The following ABTB3 variants were observed in gnomAD, a reference collection of about 807,000 sequenced individuals.
ABTB3 encodes the protein ankyrin repeat- and BTB/POZ domain-containing protein 3.
chr12:107,519,406 T>C, the ABTB3 span, among the ~76,000 whole-genome samples: 1 of 150,632 alleles, frequency 6.6e-6, no homozygotes, highest in Non-Finnish European at 1.5e-5. Flanking sequence ...CATCACAGCC[T>C]CTGCCTCTCA....
chr12:107,427,050 C>T, the ABTB3 span, among the ~76,000 whole-genome samples: 1 of 152,324 alleles, frequency 6.6e-6, no homozygotes, highest in African/African-American at 2.4e-5. Context: ...CAAAGCAACA[C>T]AGATGTCTTC....
the ABTB3 span, among the ~76,000 whole-genome samples, chr12:107,521,258 A>G: frequency 7.6e-6 from 1 of 132,138 alleles, no homozygotes; most frequent in Non-Finnish European, 1.6e-5. Flanking sequence ...ATGTCTTCAT[A>G]TAAGTTGTGT....
chr12:107,414,713 T>G, the ABTB3 span, among the ~76,000 whole-genome samples: 1 of 150,542 alleles, frequency 6.6e-6, no homozygotes, highest in African/African-American at 2.5e-5. Flanking sequence ...TTTCTTTTCT[T>G]TTCTTTTTCT....
chr12:107,319,882 C>T, the ABTB3 span: 3 of 1,307,694 alleles, frequency 2.3e-6, no homozygotes, highest in South Asian at 2.0e-5. Flanking sequence ...GCAGCTGTTG[C>T]GCCCCGCCGG....
At chr12:107,554,825 C>T in the ABTB3 span, among the ~76,000 whole-genome samples, 1 of 152,208 alleles carries the variant, frequency 6.6e-6, no homozygotes, top group African/African-American at 2.4e-5. Flanking sequence ...TGTCTTATCT[C>T]TGTTCCTTAA....
the ABTB3 span, among the ~76,000 whole-genome samples, chr12:107,360,387 G>A: frequency 1.6e-4 from 25 of 152,168 alleles, no homozygotes; most frequent in African/African-American, 6.0e-4. Flanking sequence ...CCAGCCAGTG[G>A]GGTAAGATGT....
chr12:107,541,120 C>G, the ABTB3 span, among the ~76,000 whole-genome samples: 36 of 152,334 alleles, frequency 2.4e-4, no homozygotes, highest in African/African-American at 8.7e-4. Context: ...AGCTGGTGAA[C>G]AGTCCTCTTG....
the ABTB3 span, among the ~76,000 whole-genome samples, chr12:107,521,220 C>T: frequency 4.6e-5 from 7 of 150,616 alleles, no homozygotes; most frequent in African/African-American, 1.5e-4. Flanking sequence ...GGCACCAGTC[C>T]GAGTTTGGAC....
At chr12:107,445,102 A>T in the ABTB3 span, among the ~76,000 whole-genome samples, 3 of 152,204 alleles carry the variant, frequency 2.0e-5, no homozygotes, top group Non-Finnish European at 4.4e-5. Context: ...GCTGCTGCTG[A>T]TAATTGCACA....
the ABTB3 span, among the ~76,000 whole-genome samples, chr12:107,640,926 A>G: frequency 6.6e-6 from 1 of 152,186 alleles, no homozygotes; most frequent in Non-Finnish European, 1.5e-5. Flanking sequence ...TTAGAACCAC[A>G]TTGTCCAGGG....
the ABTB3 span, among the ~76,000 whole-genome samples, chr12:107,568,646 A>G: frequency 4.6e-5 from 7 of 152,228 alleles, no homozygotes; most frequent in Admixed American, 1.3e-4. Context: ...AACATTTTTC[A>G]TCAGAGCAGA....
chr12:107,418,616 G>A, the ABTB3 span, among the ~76,000 whole-genome samples: 1 of 152,196 alleles, frequency 6.6e-6, no homozygotes, highest in African/African-American at 2.4e-5. Context: ...AGGGCTGTGA[G>A]CATCGTGAGA....
the ABTB3 span, among the ~76,000 whole-genome samples, chr12:107,357,639 A>G: frequency 6.6e-6 from 1 of 152,214 alleles, no homozygotes; most frequent in Non-Finnish European, 1.5e-5. Context: ...AAAAATAAAA[A>G]TAAGTGATAT....
chr12:107,454,581 A>G, the ABTB3 span, among the ~76,000 whole-genome samples: 1 of 152,184 alleles, frequency 6.6e-6, no homozygotes, highest in Non-Finnish European at 1.5e-5. Context: ...TCAGCTGTGC[A>G]TCTCTCCTTG....
the ABTB3 span, among the ~76,000 whole-genome samples, chr12:107,592,451 C>T: frequency 6.6e-6 from 1 of 152,096 alleles, no homozygotes; most frequent in East Asian, 1.9e-4. Context: ...TTCATGAATG[C>T]ATTTTGTAAT....
the ABTB3 span, among the ~76,000 whole-genome samples, chr12:107,624,931 C>T: frequency 6.6e-6 from 1 of 152,134 alleles, no homozygotes; most frequent in African/African-American, 2.4e-5. Flanking sequence ...AGTGACTGTA[C>T]CCTTTTACAT....
chr12:107,543,990 C>G, the ABTB3 span: 2 of 1,613,870 alleles, frequency 1.2e-6, no homozygotes, highest in African/African-American at 1.3e-5. Flanking sequence ...CCAAGCACCA[C>G]GGCAATGGCA....
the ABTB3 span, among the ~76,000 whole-genome samples, chr12:107,431,841 A>G: frequency 6.6e-6 from 1 of 152,170 alleles, no homozygotes; most frequent in African/African-American, 2.4e-5. Flanking sequence ...GGGAGTGGCT[A>G]ACTCGGAGAT....
chr12:107,364,382 G>A, the ABTB3 span, among the ~76,000 whole-genome samples: 201 of 151,610 alleles, frequency 1.3e-3, no homozygotes, highest in African/African-American at 4.5e-3. Context: ...TCTGCCTCCC[G>A]GGTTCAAGTG....
Sources: allele counts gnomAD v4.1 joint callset (sites outside exome capture counted in the v4.1 genomes callset), GRCh38; gene constraint gnomAD v4.1.1; transcripts MANE v1.5; gene names NCBI Gene and HGNC (gene_info 2026-07-23, HGNC 2026-07-21).